The following RBFOX1 variants were observed in gnomAD, a reference collection of about 807,000 sequenced individuals.
The protein encoded by RBFOX1 is RNA binding fox-1 homolog 1.
A neutral mutation model predicts 57.7 loss-of-function variants in RBFOX1; 8 were observed. The observed-to-expected ratio is 0.14, with a 90% CI of 0.08 to 0.25. RBFOX1 has a LOEUF of 0.25. Ranked by LOEUF, RBFOX1 falls within the 10% of genes least tolerant of loss-of-function variation. The pLI is 1.00. For missense variants in RBFOX1, 611 were observed against 548.5 expected (o/e 1.11, Z -1.14); for synonymous variants, 326 against 222.4 (o/e 1.47, Z -4.15).
chr16:6,466,873 G>C (rs966968452), intron 2 of RBFOX1, among the ~76,000 whole-genome samples: 4 of 152,026 alleles, frequency 2.6e-5, no homozygotes, highest in Non-Finnish European at 5.9e-5. Context: ...AACCCTAAGA[G>C]TCCTTATGTG....
chr16:7,490,863 C>T (rs373101704), intron 4 of RBFOX1, among the ~76,000 whole-genome samples: 3 of 152,184 alleles, frequency 2.0e-5, no homozygotes, highest in East Asian at 1.9e-4. Context: ...CTCTGATTCT[C>T]ATTGTTTTGC....
intron 4 of RBFOX1, among the ~76,000 whole-genome samples, chr16:7,512,414 A>G (rs1217276680): frequency 6.6e-6 from 1 of 152,238 alleles, no homozygotes; most frequent in African/African-American, 2.4e-5. Context: ...ATAATTCCAT[A>G]GGAAGTACAA....
rs144028988 is a variant in RBFOX1, at chr16:5,363,637, G to A, written c.220-103579G>A. On this transcript the variant is annotated intron_variant, in intron 1 of 2. Coordinates refer to the RBFOX1 transcript ENST00000585867. ...CCTCAGACTAGGTAGGTAGCACCTTGTACTAATGAATCATGACCCTTCTTG... is the reference window on the plus strand; with the variant it reads ...CCTCAGACTAGGTAGGTAGCACCTTATACTAATGAATCATGACCCTTCTTG... Among the ~76,000 whole-genome samples, 1,302 of 152,256 alleles carry A rather than the reference G, an allele frequency of 8.6e-3. 12 individuals carry two copies. The highest frequency in any genetic ancestry group is 0.011 in the Non-Finnish European group (766 of 68,024).
intron 1 of RBFOX1, among the ~76,000 whole-genome samples, chr16:6,088,818 C>T (rs1319070320): frequency 6.6e-6 from 1 of 152,064 alleles, no homozygotes; most frequent in African/African-American, 2.4e-5. Flanking sequence ...ATGATCCGGC[C>T]AGGCGCGGTG....
intron 2 of RBFOX1, among the ~76,000 whole-genome samples, chr16:6,647,585 C>T (rs1380263842): frequency 6.6e-6 from 1 of 152,160 alleles, no homozygotes; most frequent in Non-Finnish European, 1.5e-5. Flanking sequence ...TAACCTTAAT[C>T]ACTTCCTTAG....
intron 1 of RBFOX1, among the ~76,000 whole-genome samples, chr16:6,172,155 C>G (rs2096965645): frequency 1.3e-5 from 2 of 152,048 alleles, no homozygotes; most frequent in African/African-American, 4.8e-5. Context: ...GGATGTCACA[C>G]TGCATGGTGG....
chr16:6,361,655 A>G (rs908885549), intron 2 of RBFOX1, among the ~76,000 whole-genome samples: 25 of 152,018 alleles, frequency 1.6e-4, no homozygotes, highest in African/African-American at 4.6e-4. Flanking sequence ...ATCATGGTCA[A>G]TCATTCTTAA....
chr16:6,791,919 A>T (rs1036036548), intron 3 of RBFOX1, among the ~76,000 whole-genome samples: 2 of 152,162 alleles, frequency 1.3e-5, no homozygotes, highest in Non-Finnish European at 2.9e-5. Flanking sequence ...ACAGAGAGAG[A>T]GAGAACTAGA....
At chr16:7,029,063 T>TATATACAC (rs1555788042) in intron 3 of RBFOX1, among the ~76,000 whole-genome samples, 7 of 32,648 alleles carry the variant, frequency 2.1e-4, no homozygotes, top group Non-Finnish European at 2.4e-4. Flanking sequence ...TATATATATA[T>TATATACAC]ATATATATAT....
chr16:6,595,292 T>C (rs189303210), intron 2 of RBFOX1, among the ~76,000 whole-genome samples: 3 of 152,218 alleles, frequency 2.0e-5, no homozygotes, highest in Admixed American at 6.5e-5. Flanking sequence ...GGGTATGTCA[T>C]GTAAATTGAA....
intron 5 of RBFOX1, among the ~76,000 whole-genome samples, chr16:7,518,826 T>C (rs1199630400): frequency 6.6e-6 from 1 of 151,924 alleles, no homozygotes; most frequent in East Asian, 1.9e-4. Context: ...AGTTCGAGAA[T>C]AGCCTGGGCA....
At chr16:6,675,559 T>C (rs116439511) in intron 3 of RBFOX1, among the ~76,000 whole-genome samples, 2,291 of 152,266 alleles carry the variant, frequency 0.015, 36 homozygotes, top group African/African-American at 0.048. Context: ...GTTAGTCTGT[T>C]TTCACACTGC....
At chr16:6,982,954 A>C (rs1965968) in intron 3 of RBFOX1, among the ~76,000 whole-genome samples, 1 of 144,316 alleles carries the variant, frequency 6.9e-6, no homozygotes, top group Admixed American at 7.1e-5. Context: ...ACATCATGCC[A>C]TTGTGCTCCA....
chr16:5,741,876 C>G (rs765196043), intron 3 of RBFOX1, among the ~76,000 whole-genome samples: 1 of 152,054 alleles, frequency 6.6e-6, no homozygotes, highest in Non-Finnish European at 1.5e-5. Flanking sequence ...TAATACCTGC[C>G]GTATTATGAA....
intron 3 of RBFOX1, among the ~76,000 whole-genome samples, chr16:6,678,860 G>C (rs1381181858): frequency 6.6e-6 from 1 of 152,130 alleles, no homozygotes; most frequent in African/African-American, 2.4e-5. Context: ...GTAGATGGGT[G>C]GTTTATCGCA....
At chr16:7,180,682 C>A (rs934503513) in intron 4 of RBFOX1, among the ~76,000 whole-genome samples, 9 of 149,942 alleles carry the variant, frequency 6.0e-5, no homozygotes, top group African/African-American at 2.0e-4. Flanking sequence ...TCTGCACTCC[C>A]CTGCTCCATT....
chr16:6,313,339 G>A (rs547418160), intron 1 of RBFOX1, among the ~76,000 whole-genome samples: 1 of 152,216 alleles, frequency 6.6e-6, no homozygotes, highest in East Asian at 1.9e-4. Flanking sequence ...TTTACATTTT[G>A]TAAGGGTCAC....
At chr16:6,903,006 T>C (rs2068855584) in intron 3 of RBFOX1, among the ~76,000 whole-genome samples, 1 of 152,190 alleles carries the variant, frequency 6.6e-6, no homozygotes, top group African/African-American at 2.4e-5. Context: ...CCATGATTGA[T>C]GTGTAACTTC....
intron 2 of RBFOX1, among the ~76,000 whole-genome samples, chr16:6,582,507 C>G (rs1159662155): frequency 1.1e-4 from 17 of 150,298 alleles, no homozygotes; most frequent in Admixed American, 6.7e-5. Context: ...CTCAAAGGCC[C>G]TGACACTGCA....
Sources: allele counts gnomAD v4.1 joint callset (sites outside exome capture counted in the v4.1 genomes callset), GRCh38; gene constraint gnomAD v4.1.1; transcripts MANE v1.5; gene names NCBI Gene and HGNC (gene_info 2026-07-23, HGNC 2026-07-21).